ADAM18: variants seen among roughly 807,000 people sequenced by gnomAD.
ADAM18 encodes the protein ADAM metallopeptidase domain 18, also known as disintegrin and metalloproteinase domain-containing protein 18.
In ADAM18, 117 loss-of-function variants were observed where a neutral mutation model predicts 94.4. The observed-to-expected ratio is 1.24, with a 90% confidence interval of 1.07 to 1.45. The LOEUF is 1.45. ADAM18 is among the 40% of genes most tolerant of loss of function. The probability of loss-of-function intolerance (pLI) is 0.00; values close to 1 mark genes in which losing one functional copy is unlikely to be tolerated. For missense variants in ADAM18, 936 were observed against 880.0 expected (o/e 1.06, Z -0.81); for synonymous variants, 327 against 291.6 (o/e 1.12, Z -1.24).
chr8:39,651,101 T>C (rs1463320278), intron 12 of ADAM18, among the ~76,000 whole-genome samples: 1 of 152,216 alleles, frequency 6.6e-6, no homozygotes, highest in Non-Finnish European at 1.5e-5. Flanking sequence ...AAGAAAAAAG[T>C]GCTGTGCTTT....
intron 10 of ADAM18, among the ~76,000 whole-genome samples, chr8:39,639,405 C>T (rs948453841): frequency 1.3e-5 from 2 of 151,928 alleles, no homozygotes; most frequent in Non-Finnish European, 2.9e-5. Flanking sequence ...CTATAGCAAT[C>T]ATTTATGTTC....
intron 2 of ADAM18, among the ~76,000 whole-genome samples, chr8:39,586,759 T>C (rs1184845006): frequency 1.0e-4 from 5 of 48,440 alleles, no homozygotes; most frequent in Admixed American, 9.1e-4. Context: ...CAAAAAACTA[T>C]CTATCTATCT....
chr8:39,703,048 C>T (rs561090715), intron 17 of ADAM18, among the ~76,000 whole-genome samples: 4 of 152,224 alleles, frequency 2.6e-5, no homozygotes, highest in East Asian at 3.9e-4. Flanking sequence ...ACGGGAATAG[C>T]GTTGAATCTA....
chr8:39,591,133 G>A (rs1818560182), intron 2 of ADAM18, among the ~76,000 whole-genome samples: 1 of 152,168 alleles, frequency 6.6e-6, no homozygotes, highest in Non-Finnish European at 1.5e-5. Flanking sequence ...TGAATTTTCA[G>A]TGAGTTGTAA....
intron 14 of ADAM18, among the ~76,000 whole-genome samples, chr8:39,674,702 A>T (rs1821251407): frequency 6.6e-6 from 1 of 152,102 alleles, no homozygotes; most frequent in African/African-American, 2.4e-5. Flanking sequence ...TAATTGATGC[A>T]GTTTCTTCTC....
intron 2 of ADAM18, among the ~76,000 whole-genome samples, chr8:39,587,508 G>A (rs1289450531): frequency 1.3e-5 from 2 of 152,140 alleles, no homozygotes; most frequent in Non-Finnish European, 2.9e-5. Flanking sequence ...GCAGTGGTGT[G>A]ATCTTGGCTC....
At chr8:39,593,530 A>AT (rs892548475) in intron 2 of ADAM18, among the ~76,000 whole-genome samples, 1 of 152,096 alleles carries the variant, frequency 6.6e-6, no homozygotes, top group Non-Finnish European at 1.5e-5. Flanking sequence ...TGGTTTTGTC[A>AT]TAAAAAAAAA....
At chr8:39,623,114 T>A (rs1345269541) in intron 6 of ADAM18, among the ~76,000 whole-genome samples, 1 of 152,204 alleles carries the variant, frequency 6.6e-6, no homozygotes, top group African/African-American at 2.4e-5. Context: ...ACATATAGTA[T>A]CTGTTTTTCC....
At chr8:39,637,188 A>G in intron 7 of ADAM18, 76 bp from the exon 8 acceptor site, 2 of 1,174,402 alleles carry the variant, frequency 1.7e-6, no homozygotes, top group Non-Finnish European at 2.4e-6. Context: ...ATAATATCTA[A>G]TACAATGCCT....
In ADAM18 at chr8:39,685,282, A is replaced by G. The variant is rs1821579854; in HGVS notation, c.1821+5056A>G. The G allele has an allele frequency of 4.6e-5, 7 of 152,340 alleles. No homozygotes were observed. In the South Asian group the frequency reaches 1.5e-3, roughly 32 times the overall value. 9.4% of individuals were successfully genotyped at this position (152,340 alleles called of 1,614,324 possible). On this transcript the variant is annotated intron_variant, in intron 16 of 19. Transcript: ENST00000265707. ...CACCATGGAGACACCCCCAAGGTTG[A>G]TTTGAATGTGCCGTCCAGAAGAACA...
chr8:39,587,416 A>T (rs1377291950), intron 2 of ADAM18, among the ~76,000 whole-genome samples: 1 of 152,000 alleles, frequency 6.6e-6, no homozygotes, highest in Non-Finnish European at 1.5e-5. Context: ...CCACTATTCT[A>T]TTCTCTGCTT....
At chr8:39,607,074 A>T (rs1819108483) in intron 3 of ADAM18, among the ~76,000 whole-genome samples, 1 of 152,220 alleles carries the variant, frequency 6.6e-6, no homozygotes, top group Admixed American at 6.5e-5. Context: ...CACAATTTTT[A>T]TGATATGCTG....
chr8:39,624,121 G>C (rs1476326043), intron 6 of ADAM18, among the ~76,000 whole-genome samples: 1 of 152,090 alleles, frequency 6.6e-6, no homozygotes, highest in Non-Finnish European at 1.5e-5. Context: ...TTGTTCTGAT[G>C]ATTACTTCTT....
intron 12 of ADAM18, among the ~76,000 whole-genome samples, chr8:39,656,732 A>G (rs1820694877): frequency 6.6e-6 from 1 of 152,198 alleles, no homozygotes; most frequent in Non-Finnish European, 1.5e-5. Flanking sequence ...TAAGAAAATG[A>G]CAGACTTTCA....
Position 39,589,120 on chromosome 8 carries a change from T to C in ADAM18, c.132+3768T>C, listed in dbSNP as rs528391243. 3.3e-5 allele frequency among the ~76,000 whole-genome samples: 5 copies of C among 152,312 alleles called. No individual in the cohort carries two copies. The East Asian group carries it at 9.6e-4, about 29-fold the overall frequency. ...ACATGATTATGAAGTAGTCTTGGTT[T>C]TGTCTTGATGCATAATTGTCTCACA... On this transcript the variant is annotated intron_variant, in intron 2 of 19. Transcript: ENST00000265707.
At chr8:39,658,010 C>T (rs956384264) in intron 12 of ADAM18, among the ~76,000 whole-genome samples, 5 of 152,148 alleles carry the variant, frequency 3.3e-5, no homozygotes, top group African/African-American at 1.2e-4. Context: ...ATGCTCTCTA[C>T]ATTTCCATAT....
rs557044938 is a variant in ADAM18 at position 39,589,661 on chromosome 8, T to C, written c.132+4309T>C. 2.0e-3 allele frequency among the ~76,000 whole-genome samples: 311 copies of C among 151,738 alleles called. 7 individuals carry two copies. Among genetic ancestry groups the C allele is most frequent in the Non-Finnish European group, 2.1e-3 (142 of 67,882 alleles). ...ACCAACATGGGTGTATGTATGTATA[T>C]ATTTATTATTAATATTTTTATTAGA... is the stretch of plus-strand genomic sequence containing the variant. On this transcript the variant is annotated intron_variant, in intron 2 of 19. Coordinates refer to ENST00000265707, the MANE Select transcript of ADAM18 (RefSeq NM_014237.3).
intron 17 of ADAM18, among the ~76,000 whole-genome samples, chr8:39,695,057 G>A (rs922961489): frequency 1.3e-5 from 2 of 151,264 alleles, no homozygotes; most frequent in Non-Finnish European, 3.0e-5. Context: ...ATGGCTTTAT[G>A]GCTTATTTGC....
intron 7 of ADAM18, among the ~76,000 whole-genome samples, chr8:39,636,001 G>GTTTTTTTTTT (rs199533879): frequency 7.1e-6 from 1 of 141,812 alleles, no homozygotes; most frequent in Admixed American, 7.1e-5. Context: ...TAACCATTAA[G>GTTTTTTTTTT]TTTTTTTGTT....
Sources: gnomAD v4.1 joint callset for allele counts (sites outside exome capture counted in the v4.1 genomes callset) on GRCh38, gnomAD v4.1.1 for gene constraint, MANE v1.5 for transcripts, NCBI Gene and HGNC (gene_info 2026-07-23, HGNC 2026-07-21) for gene names.